The following TSNARE1 variants were observed in gnomAD, a reference collection of about 807,000 sequenced individuals.
TSNARE1 encodes t-SNARE domain-containing protein 1.
TSNARE1 carries 49 observed loss-of-function variants against 62.0 expected under a neutral mutation model. The observed-to-expected ratio is 0.79, with a 90% CI of 0.63 to 1.00. The LOEUF is 1.00. Among genes scored for constraint, TSNARE1 ranks in the 50% least tolerant of loss-of-function variants. TSNARE1 has a pLI of 0.00. For missense variants in TSNARE1, 755 were observed against 700.1 expected, an observed-to-expected ratio of 1.08 and a Z score of -0.88; for synonymous variants, 328 against 294.4, an observed-to-expected ratio of 1.11 and a Z score of -1.17.
intron 2 of TSNARE1, 134 bp downstream of exon 2, chr8:142,354,503 C>T (rs1834532755): frequency 1.6e-6 from 1 of 633,988 alleles, no homozygotes; most frequent in South Asian, 2.0e-5. Flanking sequence ...GAATCACACC[C>T]CATCTCAGGA....
chr8:142,247,809 T>A (rs1817962017), intron 12 of TSNARE1: 1 of 152,398 alleles, frequency 6.6e-6, no homozygotes, highest in Non-Finnish European at 1.5e-5. Flanking sequence ...ACTCAAGCGA[T>A]CCTCCTGCCT....
chr8:142,328,117 C>T (rs1004436575), intron 6 of TSNARE1, among the ~76,000 whole-genome samples: 1 of 152,268 alleles, frequency 6.6e-6, no homozygotes, highest in Non-Finnish European at 1.5e-5. Flanking sequence ...TCAAAGTTTC[C>T]CTTCTTACTA....
At chr8:142,222,102 C>CCTTCACTCACTCATCCACTCATT (rs1554623953) in intron 13 of TSNARE1, among the ~76,000 whole-genome samples, 2 of 124,616 alleles carry the variant, frequency 1.6e-5, no homozygotes, top group African/African-American at 3.2e-5. Flanking sequence ...CTCATCCACT[C>CCTTCACTCACTCATCCACTCATT]CACTCACTCA....
At position 142,393,296 on chromosome 8, in the gene TSNARE1, T is replaced by C. The variant is rs573579291; in HGVS notation, c.-40+9808A>G. Among the ~76,000 whole-genome samples, 17 of 152,244 alleles carry C rather than the reference T, an allele frequency of 1.1e-4. No individual in the cohort carries two copies. In the East Asian group the frequency reaches 3.1e-3, roughly 28 times the overall value. ...GCTTCAACTGACGACATTACGGAGA[T>C]GGAGAGCAGACTGGTGGCTCCCAGG... On this transcript the variant is annotated intron_variant, in intron 1 of 13. Coordinates refer to ENST00000524325, the MANE Select transcript of TSNARE1 (RefSeq NM_145003.5).
chr8:142,406,590 G>C (rs1233882948), upstream of TSNARE1: 1 of 152,268 alleles, frequency 6.6e-6, no homozygotes, highest in Non-Finnish European at 1.5e-5. Context: ...AAAAGACGAG[G>C]AGGAGAAGAA....
At chr8:142,226,239 C>T (rs1816762880) in intron 13 of TSNARE1, among the ~76,000 whole-genome samples, 2 of 152,180 alleles carry the variant, frequency 1.3e-5, no homozygotes, top group Admixed American at 1.3e-4. Flanking sequence ...GGCTGGTTTC[C>T]GGCTGGCTTG....
intron 12 of TSNARE1, chr8:142,269,363 G>T (rs918226532): frequency 1.3e-5 from 12 of 899,250 alleles, no homozygotes; most frequent in South Asian, 5.1e-5. Flanking sequence ...TCAGGACACA[G>T]TGTGGGGTGA....
chr8:142,255,461 T>TCACCAC (rs1818392179), intron 12 of TSNARE1, among the ~76,000 whole-genome samples: 2 of 56,448 alleles, frequency 3.5e-5, no homozygotes, highest in Non-Finnish European at 6.2e-5. Context: ...ACCATCACCA[T>TCACCAC]CACCATCACC....
intron 6 of TSNARE1, among the ~76,000 whole-genome samples, chr8:142,320,046 T>C (rs1287006579): frequency 6.6e-6 from 1 of 151,818 alleles, no homozygotes; most frequent in East Asian, 1.9e-4. Flanking sequence ...AGAGTGCCCC[T>C]CACCCCCGCT....
intron 10 of TSNARE1, among the ~76,000 whole-genome samples, chr8:142,292,879 C>T (rs1342079978): frequency 6.6e-6 from 1 of 152,164 alleles, no homozygotes; most frequent in Admixed American, 6.5e-5. Context: ...CAGTGTGGAT[C>T]TACAGCCCCG....
rs1257643791 is a variant in TSNARE1 at position 142,317,487 on chromosome 8, G to C, written c.984+1057C>G. On this transcript the variant is annotated intron_variant, in intron 7 of 13. Transcript: ENST00000524325. ...TGTATACATGAAGCAGGTACAGCCA[G>C]AGTCTCACACTGTGCTTATGAAGCG... 1.3e-5 allele frequency among the ~76,000 whole-genome samples: 2 copies of C among 152,180 alleles called. 1 individual carries two copies. The highest frequency in any genetic ancestry group is 2.9e-5 in the Non-Finnish European group (2 of 68,038).
intron 12 of TSNARE1, among the ~76,000 whole-genome samples, chr8:142,235,239 C>T (rs1226430380): frequency 2.0e-5 from 3 of 152,072 alleles, no homozygotes; most frequent in Non-Finnish European, 4.4e-5. Flanking sequence ...CCAGGATACC[C>T]GCAGGCCCCA....
rs1828308982 is a variant in TSNARE1 at position 142,315,074 on chromosome 8, C to A, written c.1003G>T (p.Glu335Ter). 1 of 1,613,838 alleles carries A rather than the reference C, an allele frequency of 6.2e-7. No homozygotes were observed. The highest frequency in any genetic ancestry group is 1.3e-5 in the African/African-American group (1 of 74,854). ...TTCAGCCGGTCCAGCTGAGGACGCT[C>A]CTGCTGCAGACGCTCCTGCTGCAGA... ...SSCPQERLQQ[E>*]RPQLDRLKTQ... is the part of the protein sequence containing the mutation. The change falls in exon 8 of 14, where the codon GAG (glutamate) becomes TAG (stop). Residue 335 changes from glutamate to a stop codon, truncating the protein, a stop_gained. Coordinates refer to ENST00000524325, the MANE Select transcript of TSNARE1 (RefSeq NM_145003.5). LOFTEE classifies it high-confidence loss of function.
In TSNARE1 at chr8:142,276,324, T is replaced by G. The variant is rs1228689046; in HGVS notation, c.1364-1461A>C. 5 of 985,210 alleles carry G rather than the reference T, an allele frequency of 5.1e-6. No homozygotes were observed. In the African/African-American group the frequency reaches 8.7e-5, roughly 17 times the overall value. The allele number at this position is 985,210 out of a possible 1,614,324, so 61.0% of individuals were successfully genotyped here. Reference sequence around the variant, plus strand: ...TTAGGGTCACGACCCTCTGAGCCAATGGAGGAGGAGAGGGAAGGAAGATGG... The same window carrying G: ...TTAGGGTCACGACCCTCTGAGCCAAGGGAGGAGGAGAGGGAAGGAAGATGG... On this transcript the variant is annotated intron_variant, in intron 11 of 13. Transcript: ENST00000524325.
At chr8:142,374,396 C>CG (rs1171874766) in intron 1 of TSNARE1, among the ~76,000 whole-genome samples, 1 of 151,798 alleles carries the variant, frequency 6.6e-6, no homozygotes, top group Non-Finnish European at 1.5e-5. Context: ...GTGGGAAATG[C>CG]GGCTGGGTGC....
intron 11 of TSNARE1, chr8:142,276,602 GC>G (rs1820543787): frequency 1.0e-6 from 1 of 985,268 alleles, no homozygotes; most frequent in Admixed American, 6.1e-5. Flanking sequence ...CAGGCCATGT[GC>G]CCTGGCTGGA....
intron 1 of TSNARE1, among the ~76,000 whole-genome samples, chr8:142,382,009 C>G (rs1417047743): frequency 1.3e-5 from 2 of 152,186 alleles, no homozygotes; most frequent in African/African-American, 2.4e-5. Flanking sequence ...GACACCCCCC[C>G]TACACACAGG....
chr8:142,334,506 C>T (rs563688296), intron 4 of TSNARE1, among the ~76,000 whole-genome samples: 34 of 151,518 alleles, frequency 2.2e-4, no homozygotes, highest in African/African-American at 6.1e-4. Flanking sequence ...GCAGGGGGGA[C>T]GGGACACAAA....
intron 2 of TSNARE1, among the ~76,000 whole-genome samples, chr8:142,352,593 A>G (rs560301800): frequency 5.9e-5 from 9 of 152,384 alleles, no homozygotes; most frequent in African/African-American, 1.9e-4. Flanking sequence ...ACCCAACGTG[A>G]TGCAGCGCGG....
Sources: allele counts gnomAD v4.1 joint callset (sites outside exome capture counted in the v4.1 genomes callset), GRCh38; gene constraint gnomAD v4.1.1; transcripts MANE v1.5; gene names NCBI Gene and HGNC (gene_info 2026-07-23, HGNC 2026-07-21).